The following TMEM232 variants were observed in gnomAD, a reference collection of about 807,000 sequenced individuals.
TMEM232 encodes transmembrane protein 232.
TMEM232 carries 80 observed loss-of-function variants against 78.8 expected under a neutral mutation model. That is an observed-to-expected ratio of 1.01 (90% CI 0.85 to 1.22). The LOEUF (loss-of-function observed/expected upper bound fraction) is 1.22, where lower values mean the gene tolerates loss of function less well. Among genes scored for constraint, TMEM232 ranks in the 50% most tolerant of loss-of-function variants. The pLI, the probability that TMEM232 is intolerant of heterozygous loss-of-function variation, is 0.00. For synonymous variants in TMEM232, 297 were observed against 254.3 expected (o/e 1.17, Z -1.60); for missense variants, 881 against 742.2 (o/e 1.19, Z -2.17).
chr5:110,730,665 A>G (rs1798591140), upstream of TMEM232, among the ~76,000 whole-genome samples: 1 of 152,112 alleles, frequency 6.6e-6, no homozygotes, highest in South Asian at 2.1e-4. Context: ...CCCCTGATAA[A>G]CCCATTAGAT....
At chr5:110,638,153 G>T (rs1332004110) in intron 5 of TMEM232, 45 bp downstream of exon 5, 1 of 1,396,714 alleles carries the variant, frequency 7.2e-7, no homozygotes, top group Non-Finnish European at 9.7e-7. Flanking sequence ...GTTACATGTA[G>T]TATGTGAAAT....
intron 8 of TMEM232, among the ~76,000 whole-genome samples, chr5:110,608,074 G>A (rs1781730905): frequency 6.6e-6 from 1 of 151,888 alleles, no homozygotes; most frequent in Admixed American, 6.6e-5. Context: ...CACTTAACAT[G>A]ATGCTTATGA....
At chr5:110,532,682 AT>A (rs1227226724) in intron 11 of TMEM232, among the ~76,000 whole-genome samples, 1 of 151,720 alleles carries the variant, frequency 6.6e-6, no homozygotes, top group Non-Finnish European at 1.5e-5. Context: ...ACCCTTCCCA[AT>A]CCAAAGCCTC....
intron 1 of TMEM232, among the ~76,000 whole-genome samples, chr5:110,693,696 G>C (rs538800418): frequency 6.6e-6 from 1 of 152,264 alleles, no homozygotes. Flanking sequence ...CTGGAAGAAA[G>C]GGTATCAATG....
At chr5:110,655,114 G>C (rs1353756330) in intron 2 of TMEM232, among the ~76,000 whole-genome samples, 3 of 152,002 alleles carry the variant, frequency 2.0e-5, no homozygotes, top group Non-Finnish European at 4.4e-5. Context: ...AGAGTGAACA[G>C]GCAACCTACA....
rs1402336733 is a variant in TMEM232, at chr5:110,667,315, G to T, written c.38C>A (p.Thr13Lys). The T allele has an allele frequency of 9.1e-6, 14 of 1,537,206 alleles. No individual in the cohort carries two copies. The highest frequency in any genetic ancestry group is 1.2e-5 in the Non-Finnish European group (14 of 1,137,304). The part of the protein sequence containing the change: ...MPVNKSPMIN[T>K]CGGISSPYHE... The stretch of plus-strand genomic sequence containing the variant: ...ATAAGGGGAAGATATGCCTCCACAT[G>T]TATTAATCATAGGTGATTTGTTAAC... Residue 13 changes from threonine to lysine, a missense_variant, in exon 2 of 14, where the codon ACA (threonine) becomes AAA (lysine). Thr to Lys is a moderately conservative substitution (Grantham distance 78). Transcript: ENST00000455884.
intron 1 of TMEM232, among the ~76,000 whole-genome samples, chr5:110,705,135 C>T (rs1249643348): frequency 6.6e-6 from 1 of 152,152 alleles, no homozygotes; most frequent in East Asian, 1.9e-4. Flanking sequence ...GAACACCCAA[C>T]ATTTTGGGTT....
intron 11 of TMEM232, among the ~76,000 whole-genome samples, chr5:110,552,230 A>G (rs1310363067): frequency 6.6e-6 from 1 of 152,132 alleles, no homozygotes; most frequent in Non-Finnish European, 1.5e-5. Flanking sequence ...TTAAGGAGGC[A>G]TATTGCAATT....
chr5:110,411,553 A>T (rs1189121448), intron 2 of TMEM232, among the ~76,000 whole-genome samples: 1 of 152,188 alleles, frequency 6.6e-6, no homozygotes, highest in Non-Finnish European at 1.5e-5. Flanking sequence ...AGCAATCTCT[A>T]GAAATTTTCA....
At chr5:110,422,156 T>A (rs1756706881) in intron 13 of TMEM232, among the ~76,000 whole-genome samples, 1 of 152,136 alleles carries the variant, frequency 6.6e-6, no homozygotes, top group African/African-American at 2.4e-5. Context: ...GAAGTTATAG[T>A]TGGTATAATA....
rs570379953 is a variant in TMEM232 at position 110,388,267 on chromosome 5, A to G, written n.616-214T>C. 1.7e-3 allele frequency among the ~76,000 whole-genome samples: 261 copies of G among 152,250 alleles called. 1 individual carries two copies. The highest frequency in any genetic ancestry group is 5.9e-3 in the African/African-American group (246 of 41,568). ...CACCCGATCCTAAACTTATTATACA[A>G]GTGGGCTTTCCACTTGGCCAGCACC... On this transcript the variant is annotated intron_variant and non_coding_transcript_variant, in intron 4 of 8. Transcript: ENST00000507188.
intron 5 of TMEM232, among the ~76,000 whole-genome samples, chr5:110,630,159 G>T (rs554214570): frequency 6.6e-6 from 1 of 152,284 alleles, no homozygotes; most frequent in African/African-American, 2.4e-5. Flanking sequence ...AGTACTTATA[G>T]AGCATGCTTA....
intron 2 of TMEM232, among the ~76,000 whole-genome samples, chr5:110,406,198 A>G (rs190568149): frequency 6.6e-6 from 1 of 151,774 alleles, no homozygotes; most frequent in South Asian, 2.1e-4. Context: ...TGATATGCCA[A>G]TTATGGAAAA....
chr5:110,533,597 A>G (rs553982501), intron 11 of TMEM232, among the ~76,000 whole-genome samples: 1 of 152,272 alleles, frequency 6.6e-6, no homozygotes, highest in East Asian at 1.9e-4. Flanking sequence ...CACCTGATGC[A>G]TATACTTTCT....
chr5:110,661,525 T>C lies in TMEM232; in HGVS notation c.125+5703A>G, dbSNP rs1789796400. Among the ~76,000 whole-genome samples, 2 of 152,100 alleles carry C rather than the reference T, an allele frequency of 1.3e-5. 1 individual carries two copies. Among genetic ancestry groups the C allele is most frequent in the Non-Finnish European group, 2.9e-5 (2 of 68,018 alleles). On this transcript the variant is annotated intron_variant, in intron 2 of 13. Transcript: ENST00000455884. ...GCGGGTTTTGCCATGTTACCCAGGC[T>C]GGTCTCAAACTCCTGGGCTCAAGCA...
intron 10 of TMEM232, among the ~76,000 whole-genome samples, chr5:110,589,788 T>C (rs1779287630): frequency 6.6e-6 from 1 of 152,116 alleles, no homozygotes; most frequent in Non-Finnish European, 1.5e-5. Context: ...AGTTAATTAT[T>C]AATATCCTTT....
intron 2 of TMEM232, among the ~76,000 whole-genome samples, chr5:110,646,000 T>G (rs1787426972): frequency 6.6e-6 from 1 of 151,630 alleles, no homozygotes; most frequent in South Asian, 2.1e-4. Flanking sequence ...GGAGTAAATT[T>G]ATCAAAGAGG....
At chr5:110,406,338 A>G (rs867290004) in intron 2 of TMEM232, among the ~76,000 whole-genome samples, 11 of 151,524 alleles carry the variant, frequency 7.3e-5, no homozygotes, top group South Asian at 4.2e-4. Context: ...TTCTGTATCT[A>G]TTCATGTGTT....
At chr5:110,435,892 C>CT (rs1758378516) in intron 12 of TMEM232, among the ~76,000 whole-genome samples, 1 of 151,978 alleles carries the variant, frequency 6.6e-6, no homozygotes, top group South Asian at 2.1e-4. Flanking sequence ...TAAACCTTGG[C>CT]TATTGTGAAC....
Sources: gnomAD v4.1 joint callset for allele counts (sites outside exome capture counted in the v4.1 genomes callset) on GRCh38, gnomAD v4.1.1 for gene constraint, MANE v1.5 for transcripts, NCBI Gene and HGNC (gene_info 2026-07-23, HGNC 2026-07-21) for gene names.